The following PROS1 variants were observed in gnomAD, a reference collection of about 807,000 sequenced individuals.
PROS1 encodes the protein vitamin K-dependent protein S.
PROS1 carries 29 observed loss-of-function variants against 75.9 expected under a neutral mutation model. The ratio of observed to expected loss-of-function variants is 0.38; its 90% CI spans 0.28 to 0.52. The LOEUF (loss-of-function observed/expected upper bound fraction) is 0.52. PROS1 is among the 20% of genes least tolerant of loss of function. The pLI is 0.83. For synonymous variants in PROS1, 245 were observed against 280.6 expected (o/e 0.87, Z 1.27); for missense variants, 680 against 810.3 (o/e 0.84, Z 1.95).
At chr3:93,930,974 G>C (rs1156888324) in intron 1 of PROS1, among the ~76,000 whole-genome samples, 2 of 152,084 alleles carry the variant, frequency 1.3e-5, no homozygotes, top group East Asian at 3.8e-4. Context: ...TGTCCTACAG[G>C]AAAATTAAGC....
intron 10 of PROS1, among the ~76,000 whole-genome samples, chr3:93,891,013 G>A (rs1454934638): frequency 6.6e-6 from 1 of 152,152 alleles, no homozygotes. Context: ...GCTGAGACAA[G>A]AGAATCACCT....
chr3:93,874,786 T>C (rs547280812), intron 14 of PROS1, among the ~76,000 whole-genome samples: 1 of 152,264 alleles, frequency 6.6e-6, no homozygotes, highest in East Asian at 1.9e-4. Context: ...TAACTCCAAA[T>C]TATAGCTACT....
intron 1 of PROS1, among the ~76,000 whole-genome samples, chr3:93,961,542 C>G (rs572814121): frequency 2.6e-5 from 4 of 152,258 alleles, no homozygotes; most frequent in Admixed American, 1.3e-4. Flanking sequence ...CAACCATGAC[C>G]AACCCATTGA....
intron 1 of PROS1, among the ~76,000 whole-genome samples, chr3:93,953,875 A>C (rs981293371): frequency 6.6e-4 from 101 of 152,336 alleles, no homozygotes; most frequent in African/African-American, 2.4e-3. Context: ...CAACTTCAGC[A>C]AAGTCTCAGG....
chr3:93,896,143 GC>G (rs1708498355), intron 9 of PROS1, among the ~76,000 whole-genome samples: 1 of 151,978 alleles, frequency 6.6e-6, no homozygotes, highest in African/African-American at 2.4e-5. Flanking sequence ...TCTTTAAAAT[GC>G]CACTTAAGCA....
chr3:93,927,130 G>C, intron 2 of PROS1, 120 bp downstream of exon 2: 1 of 1,292,992 alleles, frequency 7.7e-7, no homozygotes, highest in East Asian at 2.3e-5. Flanking sequence ...GTTATGTGTG[G>C]AAGGTGATAC....
At chr3:93,935,848 A>G (rs1709174101) in intron 1 of PROS1, among the ~76,000 whole-genome samples, 2 of 151,882 alleles carry the variant, frequency 1.3e-5, no homozygotes, top group Admixed American at 6.6e-5. Context: ...ACAATAACTC[A>G]TTAAGGAAAG....
In PROS1 at chr3:93,954,916, G is replaced by A. The variant is rs190625891; in HGVS notation, c.76+18758C>T. Among the ~76,000 whole-genome samples, 6 of 152,272 alleles carry A rather than the reference G, an allele frequency of 3.9e-5. No individual in the cohort carries two copies. The East Asian group carries it at 5.8e-4, about 15-fold the overall frequency. On this transcript the variant is annotated intron_variant, in intron 1 of 14. Transcript: ENST00000394236. ...ACAACCCCATCAAAAAGTGGGCAAA[G>A]GATATGAACAGAAACTTCTCAAAAG...
chr3:93,896,832 G>T, intron 8 of PROS1, 141 bp from the exon 9 acceptor site: 1 of 647,342 alleles, frequency 1.5e-6, no homozygotes, highest in Non-Finnish European at 2.8e-6. Context: ...AATATTTTTG[G>T]TAATAATAAA....
intron 1 of PROS1, among the ~76,000 whole-genome samples, chr3:93,972,010 T>C (rs1188918816): frequency 1.3e-5 from 2 of 152,190 alleles, no homozygotes; most frequent in Non-Finnish European, 1.5e-5. Context: ...CAGTGTTATA[T>C]ATAACAAGTG....
intron 1 of PROS1, among the ~76,000 whole-genome samples, chr3:93,964,769 G>A (rs1470090635): frequency 6.6e-6 from 1 of 152,108 alleles, no homozygotes; most frequent in African/African-American, 2.4e-5. Context: ...GGTCAGGTGG[G>A]CATCACAGTC....
At chr3:93,961,050 A>G (rs1409306328) in intron 1 of PROS1, among the ~76,000 whole-genome samples, 3 of 152,160 alleles carry the variant, frequency 2.0e-5, no homozygotes, top group Non-Finnish European at 4.4e-5. Flanking sequence ...GCAAAGCTTT[A>G]TGATAGTTCA....
Position 93,873,192 on chromosome 3 carries a change from C to G in PROS1, c.*1053G>C, listed in dbSNP as rs1708132279. The G allele has an allele frequency of 6.6e-6, 1 of 152,154 alleles. No individual in the cohort carries two copies. The highest frequency in any genetic ancestry group is 1.5e-5 in the Non-Finnish European group (1 of 68,014). The allele number at this position is 152,154 out of a possible 1,614,324, so 9.4% of individuals were successfully genotyped here. ...TTGTTAAAAACTGTCAGTGAAACAT[C>G]TGATACACATCTGGCTATGAATGGT... On this transcript the variant is annotated 3_prime_UTR_variant, in exon 15 of 15. Transcript: ENST00000394236.
intron 10 of PROS1, among the ~76,000 whole-genome samples, chr3:93,890,048 A>G (rs1340613758): frequency 3.3e-5 from 5 of 152,102 alleles, no homozygotes; most frequent in Non-Finnish European, 7.4e-5. Flanking sequence ...ATTAATAATT[A>G]ATACCCTGGG....
chr3:93,970,607 T>G (rs1709864135), intron 1 of PROS1, among the ~76,000 whole-genome samples: 1 of 152,088 alleles, frequency 6.6e-6, no homozygotes, highest in East Asian at 1.9e-4. Context: ...CCTCCCAAAG[T>G]GCTGGGATTA....
In PROS1 at chr3:93,893,108, A is replaced by C. The variant is rs746799331; in HGVS notation, c.980T>G (p.Phe327Cys). ...LPEISRFSAE[F>C]DFRTYDSEGV... is the part of the protein sequence containing the mutation. ...TTCTGAATCATATGTCCGGAAATCAAATTCTGCTGAAAATCTAAACAATGG... is the reference window on the plus strand; with the variant it reads ...TTCTGAATCATATGTCCGGAAATCACATTCTGCTGAAAATCTAAACAATGG... Residue 327 changes from phenylalanine (F) to cysteine (C), a missense_variant, in exon 10 of 15, where the codon TTT (phenylalanine) becomes TGT (cysteine). Transcript: ENST00000394236. The C allele has an allele frequency of 1.2e-6, 2 of 1,612,810 alleles. No homozygotes were observed. The highest frequency in any genetic ancestry group is 1.7e-5 in the Admixed American group (1 of 59,876).
intron 1 of PROS1, among the ~76,000 whole-genome samples, chr3:93,947,777 C>T (rs1484927625): frequency 2.0e-5 from 3 of 152,002 alleles, no homozygotes; most frequent in Non-Finnish European, 4.4e-5. Flanking sequence ...CCGTGTTAGC[C>T]AGGATTGTCT....
intron 1 of PROS1, among the ~76,000 whole-genome samples, chr3:93,944,428 A>G (rs1275388943): frequency 1.3e-5 from 2 of 152,198 alleles, no homozygotes; most frequent in Admixed American, 6.5e-5. Flanking sequence ...CAGCAAATCT[A>G]AAAGAACAGA....
At position 93,927,347 on chromosome 3, in the gene PROS1, A is replaced by G. The variant is rs779469907; in HGVS notation, c.137T>C (p.Leu46Pro). 4 of 1,613,816 alleles carry G rather than the reference A, an allele frequency of 2.5e-6. No individual in the cohort carries two copies. Among genetic ancestry groups the G allele is most frequent in the South Asian group, 1.1e-5 (1 of 91,068 alleles). ...LVRKRRANSL[L>P]EETKQGNLER... ...AAGATTACCCTGTTTGGTTTCTTCA[A>G]GTAAAGAATTTGCACGACGCTTCCT... The change falls in exon 2 of 15, where the codon CTT (leucine) becomes CCT (proline). Residue 46 changes from leucine to proline, a missense_variant. Physicochemically the swap from Leu to Pro is moderately conservative, Grantham distance 98 (BLOSUM62 -3). Coordinates refer to ENST00000394236, the MANE Select transcript of PROS1 (RefSeq NM_000313.4).
Sources: allele counts gnomAD v4.1 joint callset (sites outside exome capture counted in the v4.1 genomes callset), GRCh38; gene constraint gnomAD v4.1.1; transcripts MANE v1.5; gene names NCBI Gene and HGNC (gene_info 2026-07-23, HGNC 2026-07-21).